GPC5: variants seen among roughly 807,000 people sequenced by gnomAD.
GPC5 encodes the protein glypican 5, also known as glypican-5.
A neutral mutation model predicts 53.9 loss-of-function variants in GPC5; 47 were observed. That is an observed-to-expected ratio of 0.87 (90% CI 0.69 to 1.11). GPC5 has a LOEUF of 1.11. Ranked by LOEUF, GPC5 falls within the 50% of genes most tolerant of loss-of-function variation. The pLI is 0.00. For missense variants in GPC5, 748 were observed against 713.1 expected (o/e 1.05, Z -0.56); for synonymous variants, 286 against 263.3 (o/e 1.09, Z -0.84).
intron 2 of GPC5, among the ~76,000 whole-genome samples, chr13:91,642,315 G>A (rs377406427): frequency 1.3e-5 from 2 of 152,170 alleles, no homozygotes; most frequent in East Asian, 3.9e-4. Context: ...TAAAGTCATT[G>A]GGAGAAGGAG....
At chr13:91,655,497 A>C (rs968386726) in intron 2 of GPC5, among the ~76,000 whole-genome samples, 2 of 152,086 alleles carry the variant, frequency 1.3e-5, no homozygotes, top group African/African-American at 4.8e-5. Context: ...TTAAATCATA[A>C]AATAAAATCT....
chr13:92,080,389 C>A (rs1049187797), intron 6 of GPC5, among the ~76,000 whole-genome samples: 2 of 152,162 alleles, frequency 1.3e-5, no homozygotes, highest in Non-Finnish European at 2.9e-5. Context: ...TTGCCATAAC[C>A]TTGACTTGAA....
intron 7 of GPC5, among the ~76,000 whole-genome samples, chr13:92,559,792 G>T (rs1054401900): frequency 6.6e-6 from 1 of 151,264 alleles, no homozygotes; most frequent in Admixed American, 6.6e-5. Flanking sequence ...GGTCCCATTT[G>T]GTATCTCATG....
chr13:91,629,557 C>T (rs371770267), intron 2 of GPC5, among the ~76,000 whole-genome samples: 55 of 152,110 alleles, frequency 3.6e-4, no homozygotes, highest in Middle Eastern at 3.4e-3. Flanking sequence ...ACAGGAGAAT[C>T]GCTTGAACCC....
intron 6 of GPC5, among the ~76,000 whole-genome samples, chr13:92,036,247 T>C (rs148094484): frequency 2.6e-5 from 4 of 152,330 alleles, no homozygotes; most frequent in Non-Finnish European, 5.9e-5. Context: ...TTTACAGCAT[T>C]GCTATTTATC....
intron 7 of GPC5, among the ~76,000 whole-genome samples, chr13:92,748,945 C>A (rs1298369170): frequency 6.6e-6 from 1 of 152,090 alleles, no homozygotes; most frequent in Non-Finnish European, 1.5e-5. Context: ...ATTGTGAATA[C>A]CACTTTAATC....
chr13:92,716,273 A>G (rs1317521325), intron 7 of GPC5, among the ~76,000 whole-genome samples: 2 of 152,102 alleles, frequency 1.3e-5, no homozygotes, highest in Admixed American at 6.6e-5. Flanking sequence ...TTCTTCATTT[A>G]TATGCCAGCA....
intron 7 of GPC5, among the ~76,000 whole-genome samples, chr13:92,171,222 C>A (rs1179576414): frequency 5.3e-5 from 8 of 152,114 alleles, no homozygotes; most frequent in Admixed American, 4.6e-4. Context: ...GTTCTATGTA[C>A]CAGACCCAGT....
chr13:92,778,090 A>C (rs545912774), intron 7 of GPC5, among the ~76,000 whole-genome samples: 14 of 152,218 alleles, frequency 9.2e-5, no homozygotes, highest in Admixed American at 2.0e-4. Context: ...AAATTCTAAC[A>C]TGACACTGAA....
chr13:91,629,604 T>C (rs903210776), intron 2 of GPC5, among the ~76,000 whole-genome samples: 1 of 152,074 alleles, frequency 6.6e-6, no homozygotes, highest in Admixed American at 6.5e-5. Flanking sequence ...GATCACGCTA[T>C]TACACTCCAG....
chr13:91,623,671 A>C (rs182487527), intron 2 of GPC5, among the ~76,000 whole-genome samples: 39 of 152,292 alleles, frequency 2.6e-4, no homozygotes, highest in Non-Finnish European at 4.4e-4. Context: ...CATATGTAAA[A>C]AAATCTGAAT....
chr13:91,488,964 G>C (rs946692915), intron 2 of GPC5, among the ~76,000 whole-genome samples: 1 of 152,206 alleles, frequency 6.6e-6, no homozygotes, highest in African/African-American at 2.4e-5. Context: ...TATGGTCGTA[G>C]CTGTGGGATG....
At chr13:92,458,287 G>A (rs915021694) in intron 7 of GPC5, among the ~76,000 whole-genome samples, 1 of 103,416 alleles carries the variant, frequency 9.7e-6, no homozygotes, top group Non-Finnish European at 1.8e-5. Flanking sequence ...ACACATACTA[G>A]TTATTATTCT....
At chr13:92,668,727 T>C (rs999705619) in intron 7 of GPC5, among the ~76,000 whole-genome samples, 1 of 152,130 alleles carries the variant, frequency 6.6e-6, no homozygotes, top group Non-Finnish European at 1.5e-5. Flanking sequence ...TGTGGTCTTC[T>C]GTAACGGTTT....
intron 7 of GPC5, among the ~76,000 whole-genome samples, chr13:92,428,266 G>C (rs1876926851): frequency 2.0e-5 from 3 of 152,174 alleles, no homozygotes; most frequent in African/African-American, 4.8e-5. Flanking sequence ...TGGTTGAGTT[G>C]AGCCACATCT....
intron 5 of GPC5, among the ~76,000 whole-genome samples, chr13:91,874,176 C>T (rs923929799): frequency 6.6e-6 from 1 of 152,164 alleles, no homozygotes; most frequent in Non-Finnish European, 1.5e-5. Context: ...GTTTAGGCCT[C>T]CTGTCCTAGA....
At chr13:92,324,128 A>T (rs9584017) in intron 7 of GPC5, among the ~76,000 whole-genome samples, 61,538 of 151,854 alleles carry the variant, frequency 0.41, 15,428 homozygotes, top group African/African-American at 0.71. Flanking sequence ...TGAAGAAAAA[A>T]TGTTCCTTTC....
intron 1 of GPC5, among the ~76,000 whole-genome samples, chr13:91,445,772 A>G (rs913612671): frequency 7.2e-5 from 11 of 152,162 alleles, no homozygotes; most frequent in African/African-American, 2.4e-4. Flanking sequence ...ACCATGCCCA[A>G]GCAAAATCTT....
chr13:92,235,470 C>T (rs760036325), intron 7 of GPC5, among the ~76,000 whole-genome samples: 2 of 152,098 alleles, frequency 1.3e-5, no homozygotes, highest in Admixed American at 6.6e-5. Context: ...TTTTCATACC[C>T]ATATTCCACA....
Sources: allele counts gnomAD v4.1 joint callset (sites outside exome capture counted in the v4.1 genomes callset), GRCh38; gene constraint gnomAD v4.1.1; transcripts MANE v1.5; gene names NCBI Gene and HGNC (gene_info 2026-07-23, HGNC 2026-07-21).